Variants in KCNIP4 observed in about 807,000 individuals in gnomAD.
KCNIP4 encodes potassium voltage-gated channel interacting protein 4, also known as Kv channel-interacting protein 4.
A neutral mutation model predicts 34.0 loss-of-function variants in KCNIP4; 12 were observed. The ratio of observed to expected loss-of-function variants is 0.35; its 90% CI spans 0.23 to 0.57. The LOEUF (loss-of-function observed/expected upper bound fraction) is 0.57, where lower values mean the gene tolerates loss of function less well. KCNIP4 is among the 20% of genes least tolerant of loss of function. The probability of loss-of-function intolerance (pLI) is 0.83; values close to 1 mark genes in which losing one functional copy is unlikely to be tolerated. For synonymous variants in KCNIP4, 124 were observed against 102.2 expected, an observed-to-expected ratio of 1.21 and a Z score of -1.29; for missense variants, 238 against 311.7, an observed-to-expected ratio of 0.76 and a Z score of 1.78.
chr4:20,927,558 T>G (rs1730024480), intron 1 of KCNIP4, among the ~76,000 whole-genome samples: 1 of 152,212 alleles, frequency 6.6e-6, no homozygotes, highest in South Asian at 2.1e-4. Context: ...GTGATAATGG[T>G]TGATCAAAAG....
At chr4:21,245,189 G>A (rs1760109961) in intron 1 of KCNIP4, among the ~76,000 whole-genome samples, 1 of 152,114 alleles carries the variant, frequency 6.6e-6, no homozygotes, top group Non-Finnish European at 1.5e-5. Flanking sequence ...ACAGTAACTT[G>A]CTGTGAGGTT....
intron 1 of KCNIP4, among the ~76,000 whole-genome samples, chr4:21,773,212 G>C (rs1718925648): frequency 6.6e-6 from 1 of 152,148 alleles, no homozygotes; most frequent in East Asian, 1.9e-4. Flanking sequence ...CAATTTCCAT[G>C]AAATTTTGTG....
At chr4:21,797,354 A>G (rs1720690666) in intron 1 of KCNIP4, among the ~76,000 whole-genome samples, 1 of 152,142 alleles carries the variant, frequency 6.6e-6, no homozygotes, top group African/African-American at 2.4e-5. Flanking sequence ...TATGTTGCTT[A>G]GGTTGGTCTT....
chr4:21,880,919 A>G (rs916328808), intron 1 of KCNIP4, among the ~76,000 whole-genome samples: 4 of 152,184 alleles, frequency 2.6e-5, no homozygotes, highest in Non-Finnish European at 4.4e-5. Context: ...AAACTAAACC[A>G]GAAGTTGCAA....
chr4:21,694,945 T>TA (rs202211170), intron 1 of KCNIP4, among the ~76,000 whole-genome samples: 2 of 68,988 alleles, frequency 2.9e-5, no homozygotes, highest in African/African-American at 7.3e-5. Context: ...AATAAATAAA[T>TA]AAATAAAGGG....
intron 1 of KCNIP4, among the ~76,000 whole-genome samples, chr4:21,790,402 G>A (rs1720198127): frequency 6.6e-6 from 1 of 152,096 alleles, no homozygotes; most frequent in African/African-American, 2.4e-5. Flanking sequence ...TTTAGAGTAT[G>A]TTACAGAGTA....
intron 1 of KCNIP4, among the ~76,000 whole-genome samples, chr4:21,575,828 T>G (rs1740707859): frequency 6.6e-6 from 1 of 152,210 alleles, no homozygotes; most frequent in Non-Finnish European, 1.5e-5. Context: ...AAAAGAAAAT[T>G]ATAATTAAAT....
chr4:21,859,062 C>T (rs1273366519), intron 1 of KCNIP4, among the ~76,000 whole-genome samples: 1 of 152,178 alleles, frequency 6.6e-6, no homozygotes, highest in Non-Finnish European at 1.5e-5. Flanking sequence ...GAAATCACTG[C>T]TCTTAGATAA....
At position 21,882,769 on chromosome 4, in the gene KCNIP4, C is replaced by A. The variant is rs904256657; in HGVS notation, c.61+65802G>T. 1.3e-5 allele frequency among the ~76,000 whole-genome samples: 2 copies of A among 152,170 alleles called. 1 individual carries two copies. Among genetic ancestry groups the A allele is most frequent in the South Asian group, 4.1e-4 (2 of 4,830 alleles). ...GGGCTTCATTTAAATGCATGGAGAG[C>A]TCATCAGCAAAAATGAAATGGAAGT... is the stretch of plus-strand genomic sequence containing the variant. On this transcript the variant is annotated intron_variant, in intron 1 of 8. Transcript: ENST00000382152.
At chr4:21,413,775 A>G (rs1307086486) in intron 1 of KCNIP4, among the ~76,000 whole-genome samples, 1 of 152,014 alleles carries the variant, frequency 6.6e-6, no homozygotes. Context: ...CCTGACAAGA[A>G]CCCAGATATT....
intron 1 of KCNIP4, among the ~76,000 whole-genome samples, chr4:21,944,556 CAAAAAAAAAAA>C (rs5856680): frequency 1.9e-5 from 2 of 104,434 alleles, no homozygotes; most frequent in Non-Finnish European, 3.8e-5. Context: ...GACTCCGTCT[CAAAAAAAAAAA>C]AAAAAAAAAA....
At chr4:21,342,679 T>C in intron 1 of KCNIP4, among the ~76,000 whole-genome samples, 1 of 151,952 alleles carries the variant, frequency 6.6e-6, no homozygotes, top group Non-Finnish European at 1.5e-5. Flanking sequence ...ATTCACCCCT[T>C]ATTCTCTACT....
rs904560771 is a variant in KCNIP4, at chr4:21,117,335, T to A, written c.62-234626A>T. Among the ~76,000 whole-genome samples, 14 of 139,700 alleles carry A rather than the reference T, an allele frequency of 1.0e-4. 1 individual carries two copies. The highest frequency in any genetic ancestry group is 1.7e-4 in the Non-Finnish European group (11 of 65,028). The allele number at this position is 139,700 out of a possible 152,430, so 91.6% of individuals were successfully genotyped here. A position where few individuals can be genotyped will look rare whatever the true frequency, so the allele number is the denominator to read the frequency against. On this transcript the variant is annotated intron_variant, in intron 1 of 8. Transcript: ENST00000382152. ...GGGGGGGGGGCGCTGTTTTTCATCTTCCTCGGTGATTCTCCTATGTCCCAG... is the reference window on the plus strand; with the variant it reads ...GGGGGGGGGGCGCTGTTTTTCATCTACCTCGGTGATTCTCCTATGTCCCAG...
rs557836118 is a variant in KCNIP4 at position 20,909,085 on chromosome 4, G to A, written c.62-26376C>T. 5.3e-5 allele frequency among the ~76,000 whole-genome samples: 8 copies of A among 152,214 alleles called. No homozygotes were observed. In the South Asian group the frequency reaches 1.7e-3, roughly 32 times the overall value. ...CAGCCATTACATAATCTGTTACAGA[G>A]GAATAAATATCGACCTCTGAATATG... On this transcript the variant is annotated intron_variant, in intron 1 of 8. Coordinates refer to ENST00000382152, the MANE Select transcript of KCNIP4 (RefSeq NM_025221.6).
At chr4:21,720,003 A>G (rs2323075) in intron 1 of KCNIP4, among the ~76,000 whole-genome samples, 31,551 of 107,846 alleles carry the variant, frequency 0.29, 4,979 homozygotes, top group East Asian at 0.67. Flanking sequence ...AAGAAAAGAA[A>G]AAGAAGAAGA....
At chr4:21,475,237 AT>A (rs1449631070) in intron 1 of KCNIP4, among the ~76,000 whole-genome samples, 3 of 152,224 alleles carry the variant, frequency 2.0e-5, no homozygotes, top group Admixed American at 6.5e-5. Context: ...CAGCTTTACC[AT>A]TTTCTAAGTG....
intron 1 of KCNIP4, among the ~76,000 whole-genome samples, chr4:21,295,799 CTTTA>C (rs1182345772): frequency 6.6e-6 from 1 of 151,930 alleles, no homozygotes; most frequent in Non-Finnish European, 1.5e-5. Context: ...CTATATATTC[CTTTA>C]TTTATATTTT....
chr4:21,376,265 G>A (rs532636982), intron 1 of KCNIP4, among the ~76,000 whole-genome samples: 4 of 152,080 alleles, frequency 2.6e-5, no homozygotes, highest in African/African-American at 9.7e-5. Flanking sequence ...AAAGTGTAAC[G>A]CATTAGTTTT....
chr4:21,121,601 T>C (rs757637263), intron 1 of KCNIP4, among the ~76,000 whole-genome samples: 9 of 152,222 alleles, frequency 5.9e-5, no homozygotes. Context: ...TACTTCTAAT[T>C]CCATCTGTGT....
Sources: allele counts gnomAD v4.1 joint callset (sites outside exome capture counted in the v4.1 genomes callset), GRCh38; gene constraint gnomAD v4.1.1; transcripts MANE v1.5; gene names NCBI Gene and HGNC (gene_info 2026-07-23, HGNC 2026-07-21).